PCBP2: variants seen among roughly 807,000 people sequenced by gnomAD.
The protein encoded by PCBP2 is poly(rC) binding protein 2.
Under a neutral mutation model 50.1 loss-of-function variants are expected in PCBP2, and 4 were observed. That is an observed-to-expected ratio of 0.08 (90% CI 0.04 to 0.18). The LOEUF (loss-of-function observed/expected upper bound fraction) is 0.18. Ranked by LOEUF, PCBP2 falls within the 10% of genes least tolerant of loss-of-function variation. The probability of loss-of-function intolerance (pLI) is 1.00; values close to 1 mark genes in which losing one functional copy is unlikely to be tolerated. For synonymous variants in PCBP2, 179 were observed against 168.0 expected (o/e 1.07, Z -0.51); for missense variants, 161 against 474.3 (o/e 0.34, Z 6.14).
At chr12:53,453,205 T>G (rs548437176) in intron 1 of PCBP2, 35 of 148,984 alleles carry the variant, frequency 2.3e-4, no homozygotes, top group African/African-American at 9.1e-4. Flanking sequence ...GTTTCCTGTT[T>G]TGTTTTTTTT....
intron 7 of PCBP2, among the ~76,000 whole-genome samples, chr12:53,462,192 T>G (rs1181168263): frequency 6.6e-6 from 1 of 152,248 alleles, no homozygotes. Flanking sequence ...AATATACGTT[T>G]AACAGTTTTT....
intron 1 of PCBP2, among the ~76,000 whole-genome samples, chr12:53,454,140 GC>G (rs1279380137): frequency 6.6e-6 from 1 of 152,184 alleles, no homozygotes; most frequent in Non-Finnish European, 1.5e-5. Context: ...TGCGTGGAAG[GC>G]ATCTCAGATA....
chr12:53,479,002 T>C (rs1942864138), intron 14 of PCBP2, among the ~76,000 whole-genome samples: 1 of 152,122 alleles, frequency 6.6e-6, no homozygotes, highest in Non-Finnish European at 1.5e-5. Flanking sequence ...GATGACTCTT[T>C]CTTTCCTAAA....
rs755345487 is a variant in PCBP2, at chr12:53,455,377, C to G, written c.93+7C>G. On this transcript the variant is annotated splice_region_variant and intron_variant, in intron 3 of 14. Transcript: ENST00000546463. ...TGGCAGTATCATCGGAAAGGTAAGA[C>G]AATTTCACTTCAACTTCAATTACCA... The G allele has an allele frequency of 3.7e-6, 6 of 1,613,928 alleles. No individual in the cohort carries two copies. The Admixed American group carries it at 1.0e-4, about 27-fold the overall frequency.
chr12:53,471,870 C>CTGCAGTG (rs763672449), intron 14 of PCBP2, 63 bp downstream of exon 14: 5 of 1,452,872 alleles, frequency 3.4e-6, no homozygotes, highest in Non-Finnish European at 4.7e-6. Flanking sequence ...TTGGGGAGAG[C>CTGCAGTG]TGCAGTGTAT....
At position 53,466,824 on chromosome 12, in the gene PCBP2, T is replaced by G. The variant is rs574885784; in HGVS notation, c.715-397T>G. ...TCTCCTTCCCTCTCCCCAATACTGA[T>G]GAAACCCTGCATGGTGTGTTTTCCC... On this transcript the variant is annotated intron_variant, in intron 10 of 14. Coordinates refer to ENST00000546463, the MANE Select transcript of PCBP2 (RefSeq NM_031989.5). Among the ~76,000 whole-genome samples, 6 of 152,200 alleles carry G rather than the reference T, an allele frequency of 3.9e-5. No homozygotes were observed. The South Asian group carries it at 1.2e-3, about 32-fold the overall frequency.
chr12:53,478,871 A>T (rs1004846565), intron 14 of PCBP2, among the ~76,000 whole-genome samples: 9 of 147,978 alleles, frequency 6.1e-5, no homozygotes, highest in East Asian at 3.9e-4. Flanking sequence ...TCTTTTTAAC[A>T]TTTTTTTTTT....
intron 8 of PCBP2, chr12:53,464,361 AT>A (rs1419506710): frequency 6.6e-6 from 1 of 151,410 alleles, no homozygotes; most frequent in African/African-American, 2.5e-5. Context: ...CCGTCTAAAA[AT>A]TTGCAGCTTC....
chr12:53,455,238 C>A, intron 2 of PCBP2, 109 bp from the exon 3 acceptor site: 1 of 1,023,794 alleles, frequency 9.8e-7, no homozygotes, highest in Non-Finnish European at 1.4e-6. Context: ...AATTCCTTTT[C>A]ATAATGAATA....
At chr12:53,464,943 T>G in intron 9 of PCBP2, 91 bp downstream of exon 9, 1 of 1,428,436 alleles carries the variant, frequency 7.0e-7, no homozygotes, top group Non-Finnish European at 9.1e-7. Context: ...GCGCTGGTGA[T>G]TTTTGGTGCT....
At chr12:53,466,795 C>A (rs1414804400) in intron 10 of PCBP2, among the ~76,000 whole-genome samples, 1 of 152,038 alleles carries the variant, frequency 6.6e-6, no homozygotes. Context: ...CCCTGCCCCC[C>A]TCATCTCCTT....
rs528306820 is a variant in PCBP2 at position 53,468,146 on chromosome 12, T to G, written c.826+303T>G. 1.3e-5 allele frequency: 4 copies of G among 297,612 alleles called. No homozygotes were observed. The East Asian group carries it at 2.3e-4, about 17-fold the overall frequency. The allele number at this position is 297,612 out of a possible 1,614,324, so 18.4% of individuals were successfully genotyped here. A position where few individuals can be genotyped will look rare whatever the true frequency, so the allele number is the denominator to read the frequency against. ...GTACGGGTATTTGCTGATGGGATTT[T>G]TTTTTCTTTCTTTTTCTTTGGAAAA... On this transcript the variant is annotated intron_variant, in intron 12 of 14. Transcript: ENST00000546463.
At position 53,471,630 on chromosome 12, in the gene PCBP2, CCCTT is replaced by C. The variant is rs766539548; in HGVS notation, c.883-7_883-4del. On this transcript the variant is annotated splice_polypyrimidine_tract_variant and splice_region_variant and intron_variant, in intron 13 of 14. Transcript: ENST00000546463. Reference sequence around the variant, plus strand: ...TTCGGTGTGCCTTGTTTTTCTTTCTCCCTTAAGTTGATTGGCTGCATAATCGGGC... The same window carrying C: ...TTCGGTGTGCCTTGTTTTTCTTTCTCAAGTTGATTGGCTGCATAATCGGGC... The C allele has an allele frequency of 2.0e-5, 32 of 1,607,838 alleles. No individual in the cohort carries two copies. The highest frequency in any genetic ancestry group is 2.5e-5 in the Non-Finnish European group (30 of 1,176,964).
intron 14 of PCBP2, among the ~76,000 whole-genome samples, chr12:53,476,964 G>A (rs565048288): frequency 3.3e-5 from 5 of 152,098 alleles, no homozygotes; most frequent in Admixed American, 1.3e-4. Flanking sequence ...TATTCCCCAA[G>A]GAAGGATTCC....
Position 53,481,115 on chromosome 12 carries a change from A to G in PCBP2, c.*1673A>G, listed in dbSNP as rs1202064465. The G allele has an allele frequency of 1.9e-5, 12 of 621,014 alleles. No individual in the cohort carries two copies. Among genetic ancestry groups the G allele is most frequent in the Non-Finnish European group, 2.6e-5 (12 of 458,656 alleles). 38.5% of individuals were successfully genotyped at this position (621,014 alleles called of 1,614,324 possible). ...TCTGTTGATTATGTGGCGCATATAT[A>G]TATATATATGTATATATATATAATT... On this transcript the variant is annotated 3_prime_UTR_variant, in exon 15 of 15. Transcript: ENST00000546463.
chr12:53,473,785 A>AT (rs917733877), intron 14 of PCBP2, among the ~76,000 whole-genome samples: 14 of 143,526 alleles, frequency 9.8e-5, no homozygotes, highest in African/African-American at 2.9e-4. Flanking sequence ...TTCCTTTCTC[A>AT]TTTTTTTTAA....
At chr12:53,456,337 A>G (rs901237988) in intron 5 of PCBP2, among the ~76,000 whole-genome samples, 2 of 152,060 alleles carry the variant, frequency 1.3e-5, no homozygotes, top group Non-Finnish European at 2.9e-5. Context: ...GTGCGCCTGT[A>G]ATCCCAGCTA....
chr12:53,455,098 C>A (rs187071385), intron 2 of PCBP2, among the ~76,000 whole-genome samples: 2 of 152,270 alleles, frequency 1.3e-5, no homozygotes, highest in East Asian at 3.9e-4. Flanking sequence ...ACTCTCCATA[C>A]CTGGATGGTA....
chr12:53,459,461 TTGTA>T, intron 6 of PCBP2, 58 bp downstream of exon 6: 1 of 1,529,792 alleles, frequency 6.5e-7, no homozygotes, highest in Non-Finnish European at 8.9e-7. Flanking sequence ...AATTGGCTCT[TTGTA>T]TGGCTAGGAA....
Sources: allele counts gnomAD v4.1 joint callset (sites outside exome capture counted in the v4.1 genomes callset), GRCh38; gene constraint gnomAD v4.1.1; transcripts MANE v1.5; gene names NCBI Gene and HGNC (gene_info 2026-07-23, HGNC 2026-07-21).